The following TCHHL1 variants were observed in gnomAD, a reference collection of about 807,000 sequenced individuals.
TCHHL1 encodes trichohyalin like 1.
A neutral mutation model predicts 3.5 loss-of-function variants in TCHHL1; 1 was observed. That is an observed-to-expected ratio of 0.29 (90% CI 0.10 to 1.36). The LOEUF is 1.36. Among genes scored for constraint, TCHHL1 ranks in the 40% most tolerant of loss-of-function variants. The pLI, the probability that TCHHL1 is intolerant of heterozygous loss-of-function variation, is 0.43. For synonymous variants in TCHHL1, 405 were observed against 375.3 expected (o/e 1.08, Z -0.92); for missense variants, 1,027 against 1,032.8 (o/e 0.99, Z 0.08).
chr1:152,087,938 T>C, intron 2 of TCHHL1, 68 bp downstream of exon 2: 1 of 1,508,614 alleles, frequency 6.6e-7, no homozygotes, highest in Non-Finnish European at 8.9e-7. Flanking sequence ...TCACATATGC[T>C]CATCTTGCTT....
chr1:152,084,826 A>G lies in TCHHL1; in HGVS notation c.*141T>C. 4 of 901,488 alleles carry G rather than the reference A, an allele frequency of 4.4e-6. No homozygotes were observed. The highest frequency in any genetic ancestry group is 6.6e-6 in the Non-Finnish European group (4 of 604,010). The allele number at this position is 901,488 out of a possible 1,614,324, so 55.8% of individuals were successfully genotyped here. A position where few individuals can be genotyped will look rare whatever the true frequency, so the allele number is the denominator to read the frequency against. On this transcript the variant is annotated 3_prime_UTR_variant, in exon 3 of 3. Coordinates refer to ENST00000368806, the MANE Select transcript of TCHHL1 (RefSeq NM_001008536.2). The stretch of plus-strand genomic sequence containing the variant: ...AGATGTTTCTTTAGTGGTGTCCCCC[A>G]CTGCTGAATATTTTATTATTTGTTT...
chr1:152,087,370 C>T lies in TCHHL1; in HGVS notation c.312G>A (p.Lys104=). The T allele has an allele frequency of 1.9e-6, 3 of 1,613,718 alleles. No homozygotes were observed. Among genetic ancestry groups the T allele is most frequent in the Non-Finnish European group, 2.5e-6 (3 of 1,180,014 alleles). Residue 104 remains lysine (K), a synonymous_variant, in exon 3 of 3, where the codon AAG becomes AAA. Coordinates refer to ENST00000368806, the MANE Select transcript of TCHHL1 (RefSeq NM_001008536.2). ...GAACATCCACATCATCTAGCTTCTC[C>T]TTCTCTGGTTTAGTCACCTGTCTTA... ...SELRQVTKPE[K]EKLDDVDVQA...
chr1:152,086,934 G>T lies in TCHHL1; in HGVS notation c.748C>A (p.Gln250Lys), dbSNP rs768918698. The T allele has an allele frequency of 6.2e-7, 1 of 1,614,016 alleles. No homozygotes were observed. Among genetic ancestry groups the T allele is most frequent in the South Asian group, 1.1e-5 (1 of 91,062 alleles). The part of the protein sequence containing the change: ...REQSVSKIRD[Q>K]FGEQEGNLAT... ...AAGTTTCCTTCCTGTTCTCCAAACT[G>T]GTCTCTTATCTTGGAAACACTTTGC... Residue 250 changes from glutamine to lysine, a missense_variant, in exon 3 of 3, where the codon CAG becomes AAG. Coordinates refer to ENST00000368806, the MANE Select transcript of TCHHL1 (RefSeq NM_001008536.2).
chr1:152,086,963 C>CTT lies in TCHHL1; in HGVS notation c.718_719insAA (p.Arg240LysfsTer9). On this transcript the variant is annotated frameshift_variant, in exon 3 of 3. Transcript: ENST00000368806. LOFTEE classifies it low-confidence loss of function (END_TRUNC). Reference sequence around the variant, plus strand: ...TCTTATCTTGGAAACACTTTGCTCTCTGGCTGGTTCATCTCCTTCCTGGGA... The same window carrying CTT: ...TCTTATCTTGGAAACACTTTGCTCTCTTTGGCTGGTTCATCTCCTTCCTGGGA... 6.2e-7 allele frequency: 1 copy of CTT among 1,614,172 alleles called. No individual in the cohort carries two copies. Among genetic ancestry groups the CTT allele is most frequent in the Non-Finnish European group, 8.5e-7 (1 of 1,180,040 alleles).
chr1:152,088,803 A>G (rs1657782491), intron 1 of TCHHL1, among the ~76,000 whole-genome samples: 2 of 152,198 alleles, frequency 1.3e-5, no homozygotes, highest in Admixed American at 1.3e-4. Context: ...ATTCATGCCT[A>G]TGACTTCTAA....
In TCHHL1 at chr1:152,085,870, G is replaced by C. The variant is rs1242382806; in HGVS notation, c.1812C>G (p.Asn604Lys). The change falls in exon 3 of 3, where the codon AAC becomes AAG. Residue 604 changes from asparagine to lysine, a missense_variant. Asn to Lys is a moderately conservative substitution (Grantham distance 94). Transcript: ENST00000368806. ...TQRQGTPGEK[N>K]RALEAVVPAV... The stretch of plus-strand genomic sequence containing the variant: ...CTGGTACCACTGCCTCCAGAGCTCT[G>C]TTTTTCTCACCAGGTGTTCCCTGCC... 1 of 1,614,152 alleles carries C rather than the reference G, an allele frequency of 6.2e-7. No individual in the cohort carries two copies. The highest frequency in any genetic ancestry group is 8.5e-7 in the Non-Finnish European group (1 of 1,180,020).
Position 152,087,022 on chromosome 1 carries a change from A to G in TCHHL1, c.660T>C (p.Ser220=). Residue 220 remains serine (S), a synonymous_variant, in exon 3 of 3, where the codon AGT becomes AGC. Coordinates refer to ENST00000368806, the MANE Select transcript of TCHHL1 (RefSeq NM_001008536.2). ...TATCTTGTCCCTTCCTCTCTGTGGG[A>G]CTGCTGGTCTTTTTTGATCCTGCCA... ...KPMAGSKKTS[S]PTERKGQDKE... 6.2e-7 allele frequency: 1 copy of G among 1,613,502 alleles called. No individual in the cohort carries two copies. Among genetic ancestry groups the G allele is most frequent in the Non-Finnish European group, 8.5e-7 (1 of 1,179,838 alleles).
rs754288177 is a variant in TCHHL1, at chr1:152,086,399, T to G, written c.1283A>C (p.Glu428Ala). 1 of 1,614,198 alleles carries G rather than the reference T, an allele frequency of 6.2e-7. No individual in the cohort carries two copies. The highest frequency in any genetic ancestry group is 1.1e-5 in the South Asian group (1 of 91,070). Residue 428 changes from glutamate (E) to alanine (A), a missense_variant, in exon 3 of 3, where the codon GAA becomes GCA. Coordinates refer to ENST00000368806, the MANE Select transcript of TCHHL1 (RefSeq NM_001008536.2). ...TTTTGATTTTGATAATCCTTGGAGT[T>G]CCTGATACTTCCCATCCTGTGTTTG... Reference protein sequence around the residue: ...ETQTQDGKYQELQGLSKSKDA... With the variant: ...ETQTQDGKYQALQGLSKSKDA...
chr1:152,088,081 C>T lies in TCHHL1; in HGVS notation c.63G>A (p.Glu21=), dbSNP rs145774046. The T allele has an allele frequency of 3.5e-5, 57 of 1,610,962 alleles. No homozygotes were observed. Among genetic ancestry groups the T allele is most frequent in the Non-Finnish European group, 4.7e-5 (56 of 1,179,086 alleles). Residue 21 remains glutamate, a synonymous_variant, in exon 2 of 3, where the codon GAG becomes GAA. Transcript: ENST00000368806. Reference sequence around the variant, plus strand: ...CAGTCAGTGTTGCCCCGTTACTGTCCTCACTGGCATATTTGTGGAATGTCT... The same window carrying T: ...CAGTCAGTGTTGCCCCGTTACTGTCTTCACTGGCATATTTGTGGAATGTCT... ...VIETFHKYAS[E]DSNGATLTGR... is the part of the protein sequence containing the mutation.
In TCHHL1 at chr1:152,084,821, C is replaced by T. The variant is rs1657685151; in HGVS notation, c.*146G>A. On this transcript the variant is annotated 3_prime_UTR_variant, in exon 3 of 3. Transcript: ENST00000368806. ...TGCTCAGATGTTTCTTTAGTGGTGT[C>T]CCCCACTGCTGAATATTTTATTATT... The T allele has an allele frequency of 3.6e-6, 3 of 839,088 alleles. No individual in the cohort carries two copies. Among genetic ancestry groups the T allele is most frequent in the Non-Finnish European group, 5.5e-6 (3 of 550,332 alleles). The allele number at this position is 839,088 out of a possible 1,614,324, so 52.0% of individuals were successfully genotyped here. A position where few individuals can be genotyped will look rare whatever the true frequency, so the allele number is the denominator to read the frequency against.
rs753052901 is a variant in TCHHL1 at position 152,084,963 on chromosome 1, T to A, written c.*4A>T. 6.2e-7 allele frequency: 1 copy of A among 1,610,098 alleles called. No individual in the cohort carries two copies. Among genetic ancestry groups the A allele is most frequent in the South Asian group, 1.1e-5 (1 of 90,652 alleles). On this transcript the variant is annotated 3_prime_UTR_variant, in exon 3 of 3. Coordinates refer to ENST00000368806, the MANE Select transcript of TCHHL1 (RefSeq NM_001008536.2). ...AATTGGGGGCATGTTGAGATGATAATGATTCATTGCTTTGTGGTGCTTGCC... is the reference window on the plus strand; with the variant it reads ...AATTGGGGGCATGTTGAGATGATAAAGATTCATTGCTTTGTGGTGCTTGCC...
In TCHHL1 at chr1:152,085,831, C is replaced by A. The variant is rs1657711112; in HGVS notation, c.1851G>T (p.Glu617Asp). The change falls in exon 3 of 3, where the codon GAG becomes GAT. Residue 617 changes from glutamate to aspartate, a missense_variant. Physicochemically the swap from Glu to Asp is conservative, Grantham distance 45. Transcript: ENST00000368806. The stretch of plus-strand genomic sequence containing the variant: ...CCTGGTCCTCTGTGAGCTGTACATC[C>A]TCTCCTCTGACTGCTGGTACCACTG... ...LEAVVPAVRG[E>D]DVQLTEDQEQ... 6.2e-7 allele frequency: 1 copy of A among 1,614,172 alleles called. No homozygotes were observed. The highest frequency in any genetic ancestry group is 1.7e-5 in the Admixed American group (1 of 60,012).
intron 1 of TCHHL1, 136 bp from the exon 2 acceptor site, chr1:152,088,299 G>T: frequency 1.5e-6 from 1 of 688,712 alleles, no homozygotes; most frequent in Non-Finnish European, 2.1e-6. Context: ...TATTATATCT[G>T]AACTCCAGGG....
At position 152,087,943 on chromosome 1, in the gene TCHHL1, T is replaced by A. The variant is rs1483683819; in HGVS notation, c.138+63A>T. The A allele has an allele frequency of 5.3e-6, 8 of 1,514,514 alleles. No individual in the cohort carries two copies. The African/African-American group carries it at 1.1e-4, about 21-fold the overall frequency. 93.8% of individuals were successfully genotyped at this position (1,514,514 alleles called of 1,614,324 possible). A position where few individuals can be genotyped will look rare whatever the true frequency, so the allele number is the denominator to read the frequency against. On this transcript the variant is annotated intron_variant, in intron 2 of 2. Transcript: ENST00000368806. ...TGGATGGGGATCACATATGCTCATCTTGCTTGGATTATAAAGAAAGGGTGA... is the reference window on the plus strand; with the variant it reads ...TGGATGGGGATCACATATGCTCATCATGCTTGGATTATAAAGAAAGGGTGA...
intron 2 of TCHHL1, 82 bp downstream of exon 2, chr1:152,087,924 G>A (rs909826971): frequency 3.7e-5 from 54 of 1,472,370 alleles, no homozygotes; most frequent in Non-Finnish European, 4.7e-5. Context: ...AAAATGGATG[G>A]GGATCACATA....
Position 152,086,806 on chromosome 1 carries a change from G to C in TCHHL1, c.876C>G (p.Pro292=). The C allele has an allele frequency of 6.2e-7, 1 of 1,614,078 alleles. No homozygotes were observed. Among genetic ancestry groups the C allele is most frequent in the Non-Finnish European group, 8.5e-7 (1 of 1,180,004 alleles). The change falls in exon 3 of 3, where the codon CCC becomes CCG. Residue 292 remains proline (P), a synonymous_variant. Coordinates refer to ENST00000368806, the MANE Select transcript of TCHHL1 (RefSeq NM_001008536.2). ...AACTGGGCTCATCTTCTCTTTGTAG[G>C]GGTGGTTCTTGTATATTAGAGTGTT... ...KEKHSNIQEP[P]LQREDEPSSQ...
Position 152,088,129 on chromosome 1 carries a change from C to T in TCHHL1, c.15G>A (p.Leu5=), listed in dbSNP as rs969427272. Residue 5 remains leucine (L), a synonymous_variant, in exon 2 of 3, where the codon CTG becomes CTA. Coordinates refer to ENST00000368806, the MANE Select transcript of TCHHL1 (RefSeq NM_001008536.2). ...TCTCAATTACACAGAGGACATTTCT[C>T]AGGAGCTGAGGCATCTTTACAAACT... is the stretch of plus-strand genomic sequence containing the variant. MPQL[L]RNVLCVIETF... is the part of the protein sequence containing the mutation. 9 of 1,585,390 alleles carry T rather than the reference C, an allele frequency of 5.7e-6. No individual in the cohort carries two copies. The highest frequency in any genetic ancestry group is 2.0e-4 in the Middle Eastern group (1 of 5,116).
Position 152,086,716 on chromosome 1 carries a change from A to G in TCHHL1, c.966T>C (p.Thr322=), listed in dbSNP as rs377405147. 4.3e-6 allele frequency: 7 copies of G among 1,614,066 alleles called. No individual in the cohort carries two copies. The African/African-American group carries it at 6.7e-5, about 15-fold the overall frequency. Residue 322 remains threonine, a synonymous_variant, in exon 3 of 3, where the codon ACT becomes ACC. Coordinates refer to ENST00000368806, the MANE Select transcript of TCHHL1 (RefSeq NM_001008536.2). ...ARSPSQTQKS[T]DSKDVCRMFD... is the part of the protein sequence containing the mutation. ...ACATTCTACAGACATCCTTGGAATCAGTTGATTTCTGTGTCTGAGATGGTG... is the reference window on the plus strand; with the variant it reads ...ACATTCTACAGACATCCTTGGAATCGGTTGATTTCTGTGTCTGAGATGGTG...
rs771999643 is a variant in TCHHL1, at chr1:152,088,127, C to T, written c.17G>A (p.Arg6Lys). The change falls in exon 2 of 3, where the codon AGA (arginine) becomes AAA (lysine). Residue 6 changes from arginine (R) to lysine (K), a missense_variant. Around this residue, in one of 3 missense-constraint regions of TCHHL1, gnomAD observed 338 missense variants for 335.9 expected, o/e 1.01. Coordinates refer to ENST00000368806, the MANE Select transcript of TCHHL1 (RefSeq NM_001008536.2). MPQLL[R>K]NVLCVIETFH... The stretch of plus-strand genomic sequence containing the variant: ...TGTCTCAATTACACAGAGGACATTT[C>T]TCAGGAGCTGAGGCATCTTTACAAA... 7 of 1,591,202 alleles carry T rather than the reference C, an allele frequency of 4.4e-6. No homozygotes were observed. The highest frequency in any genetic ancestry group is 2.7e-5 in the African/African-American group (2 of 74,024).
Sources: allele counts gnomAD v4.1 joint callset (sites outside exome capture counted in the v4.1 genomes callset), GRCh38; gene constraint gnomAD v4.1.1; regional missense constraint gnomAD v4.1.1; transcripts MANE v1.5; gene names NCBI Gene and HGNC (gene_info 2026-07-23, HGNC 2026-07-21).